Variants in G2E3 observed in about 807,000 individuals in gnomAD.
The protein encoded by G2E3 is G2/M phase-specific E3 ubiquitin-protein ligase.
A neutral mutation model predicts 92.8 loss-of-function variants in G2E3; 35 were observed. The ratio of observed to expected loss-of-function variants is 0.38; its 90% CI spans 0.29 to 0.50. The LOEUF is 0.50. Ranked by LOEUF, G2E3 falls within the 20% of genes least tolerant of loss-of-function variation. The pLI is 0.94. For synonymous variants in G2E3, 242 were observed against 272.4 expected (o/e 0.89, Z 1.10); for missense variants, 554 against 823.8 (o/e 0.67, Z 4.01).
At chr14:30,604,513 C>T (rs1255783775) in intron 10 of G2E3, among the ~76,000 whole-genome samples, 1 of 152,168 alleles carries the variant, frequency 6.6e-6, no homozygotes, top group Non-Finnish European at 1.5e-5. Flanking sequence ...GGCTTCATGC[C>T]GACAGGTTCT....
At chr14:30,579,168 G>GA (rs1367002020) in intron 1 of G2E3, among the ~76,000 whole-genome samples, 1 of 151,976 alleles carries the variant, frequency 6.6e-6, no homozygotes, top group Non-Finnish European at 1.5e-5. Context: ...AGAAAAGAAA[G>GA]AAAAAAATCC....
At chr14:30,576,242 A>T (rs2138802140) in intron 1 of G2E3, among the ~76,000 whole-genome samples, 1 of 152,340 alleles carries the variant, frequency 6.6e-6, no homozygotes, top group African/African-American at 2.4e-5. Context: ...GATCTTTGAC[A>T]AAGATGACAA....
At chr14:30,579,808 T>G (rs753400527) in intron 1 of G2E3, among the ~76,000 whole-genome samples, 1 of 152,210 alleles carries the variant, frequency 6.6e-6, no homozygotes, top group Non-Finnish European at 1.5e-5. Flanking sequence ...TAAATGAGAT[T>G]ATATTTACCT....
intron 4 of G2E3, among the ~76,000 whole-genome samples, chr14:30,591,735 A>G (rs1881022501): frequency 6.6e-6 from 1 of 152,152 alleles, no homozygotes; most frequent in African/African-American, 2.4e-5. Flanking sequence ...TAAATCCAGG[A>G]TGATCTCAAG....
At chr14:30,591,145 G>A (rs1041501851) in intron 4 of G2E3, among the ~76,000 whole-genome samples, 1 of 152,098 alleles carries the variant, frequency 6.6e-6, no homozygotes, top group Admixed American at 6.6e-5. Flanking sequence ...TTGAAAAGAA[G>A]AGTCTCATTT....
At chr14:30,564,003 G>T (rs1425287257) in intron 1 of G2E3, among the ~76,000 whole-genome samples, 1 of 152,150 alleles carries the variant, frequency 6.6e-6, no homozygotes, top group African/African-American at 2.4e-5. Flanking sequence ...ACAGGCGTGA[G>T]CCACCGCGCC....
intron 4 of G2E3, 98 bp downstream of exon 4, chr14:30,589,582 A>G: frequency 1.5e-6 from 1 of 664,380 alleles, no homozygotes; most frequent in South Asian, 2.1e-5. Context: ...TATGACTTTG[A>G]TTATAGGTTT....
intron 2 of G2E3, among the ~76,000 whole-genome samples, chr14:30,582,231 C>T (rs1373046417): frequency 2.6e-5 from 4 of 152,132 alleles, no homozygotes; most frequent in African/African-American, 7.2e-5. Flanking sequence ...AGAAACTTTA[C>T]TTCATTATTG....
chr14:30,601,052 C>G, intron 8 of G2E3, among the ~76,000 whole-genome samples: 1 of 152,196 alleles, frequency 6.6e-6, no homozygotes, highest in East Asian at 1.9e-4. Context: ...CGCACACCCA[C>G]ACAGAGGGAT....
At chr14:30,614,491 C>A (rs1566554483) in intron 13 of G2E3, among the ~76,000 whole-genome samples, 2 of 152,146 alleles carry the variant, frequency 1.3e-5, no homozygotes, top group Non-Finnish European at 2.9e-5. Flanking sequence ...GGAGCTCACT[C>A]CCACAATAAT....
At chr14:30,597,553 A>C in intron 7 of G2E3, 27 bp downstream of exon 7, 1 of 1,104,240 alleles carries the variant, frequency 9.1e-7, no homozygotes. Context: ...CTTATGATAA[A>C]AAAAAGATAT....
chr14:30,617,278 A>G lies in G2E3; in HGVS notation c.*744A>G, dbSNP rs191855158. 1 of 152,176 alleles carries G rather than the reference A, an allele frequency of 6.6e-6. No homozygotes were observed. The highest frequency in any genetic ancestry group is 1.9e-4 in the East Asian group (1 of 5,188). The allele number at this position is 152,176 out of a possible 1,614,324, so 9.4% of individuals were successfully genotyped here. On this transcript the variant is annotated 3_prime_UTR_variant, in exon 15 of 15. Coordinates refer to ENST00000206595, the MANE Select transcript of G2E3 (RefSeq NM_017769.5). Reference sequence around the variant, plus strand: ...CTCAAAAAAAAAAACAGAATTGCACAAATTTTCTGGAATCTATGGACATTC... The same window carrying G: ...CTCAAAAAAAAAAACAGAATTGCACGAATTTTCTGGAATCTATGGACATTC...
intron 1 of G2E3, among the ~76,000 whole-genome samples, chr14:30,574,760 CTT>C (rs1299680539): frequency 6.6e-6 from 1 of 152,166 alleles, no homozygotes; most frequent in South Asian, 2.1e-4. Context: ...TGATCTTACT[CTT>C]TTTTATGGCT....
intron 13 of G2E3, among the ~76,000 whole-genome samples, chr14:30,614,305 A>G (rs1305130558): frequency 6.6e-6 from 1 of 152,232 alleles, no homozygotes; most frequent in Non-Finnish European, 1.5e-5. Flanking sequence ...ATTTATAAAG[A>G]AAAGAAATTT....
At chr14:30,590,735 A>G (rs1463159995) in intron 4 of G2E3, 5 of 455,796 alleles carry the variant, frequency 1.1e-5, no homozygotes, top group Middle Eastern at 3.2e-4. Flanking sequence ...GGTGAGCATG[A>G]ATCTAAGGAC....
intron 13 of G2E3, among the ~76,000 whole-genome samples, chr14:30,614,343 G>A (rs1252788603): frequency 6.6e-6 from 1 of 152,242 alleles, no homozygotes; most frequent in Non-Finnish European, 1.5e-5. Flanking sequence ...AGGCTGGGAA[G>A]TCCAAAGGCA....
intron 1 of G2E3, among the ~76,000 whole-genome samples, chr14:30,562,518 C>T (rs969572067): frequency 2.0e-5 from 3 of 152,122 alleles, no homozygotes; most frequent in African/African-American, 7.2e-5. Flanking sequence ...GGAAGACGCC[C>T]GTTGCCAAGA....
chr14:30,575,693 C>A (rs1433607753), intron 1 of G2E3, among the ~76,000 whole-genome samples: 2 of 152,144 alleles, frequency 1.3e-5, no homozygotes, highest in African/African-American at 2.4e-5. Context: ...AATCAACATA[C>A]AAAATTCACT....
intron 11 of G2E3, among the ~76,000 whole-genome samples, chr14:30,607,258 C>T (rs1011196351): frequency 2.0e-5 from 3 of 152,076 alleles, no homozygotes; most frequent in African/African-American, 7.2e-5. Flanking sequence ...CAAGTACAGT[C>T]ATTTGTCACT....
Sources: gnomAD v4.1 joint callset for allele counts (sites outside exome capture counted in the v4.1 genomes callset) on GRCh38, gnomAD v4.1.1 for gene constraint, MANE v1.5 for transcripts, NCBI Gene and HGNC (gene_info 2026-07-23, HGNC 2026-07-21) for gene names.